FNDC3A: variants seen among roughly 807,000 people sequenced by gnomAD.
FNDC3A encodes fibronectin type III domain containing 3A, also known as fibronectin type-III domain-containing protein 3A.
FNDC3A carries 32 observed loss-of-function variants against 148.9 expected under a neutral mutation model. The observed-to-expected ratio is 0.21, with a 90% CI of 0.16 to 0.29. FNDC3A has a LOEUF of 0.29. Among genes scored for constraint, FNDC3A ranks in the 10% least tolerant of loss-of-function variants. The pLI, the probability that FNDC3A is intolerant of heterozygous loss-of-function variation, is 1.00. For synonymous variants in FNDC3A, 472 were observed against 473.6 expected (o/e 1.00, Z 0.04); for missense variants, 1,191 against 1,452.8 (o/e 0.82, Z 2.93).
chr13:49,071,729 T>TG (rs1877709720), intron 2 of FNDC3A, among the ~76,000 whole-genome samples: 1 of 151,234 alleles, frequency 6.6e-6, no homozygotes, highest in East Asian at 1.9e-4. Context: ...ATTATTTGGT[T>TG]TTTTTTTTTT....
chr13:49,144,759 A>G (rs1234907448), intron 7 of FNDC3A, among the ~76,000 whole-genome samples: 1 of 152,186 alleles, frequency 6.6e-6, no homozygotes, highest in African/African-American at 2.4e-5. Flanking sequence ...AAAATCCCCA[A>G]AGATAACAAT....
At chr13:49,169,110 T>C (rs2138048213) in intron 10 of FNDC3A, among the ~76,000 whole-genome samples, 1 of 152,308 alleles carries the variant, frequency 6.6e-6, no homozygotes, top group African/African-American at 2.4e-5. Context: ...ACTATACTCA[T>C]AAATCAATAT....
At position 49,175,513 on chromosome 13, in the gene FNDC3A, A is replaced by G; in HGVS notation, c.1502A>G (p.Tyr501Cys). ...ACACCATCAGATGAAGGAATTTCTT[A>G]CATTTTAGAGATGGAGGAAGAAACT... ...SGTPSDEGIS[Y>C]ILEMEEETSG... Residue 501 changes from tyrosine (Y) to cysteine (C), a missense_variant, in exon 13 of 26, where the codon TAC (tyrosine) becomes TGC (cysteine). Physicochemically the swap from Tyr to Cys is radical, Grantham distance 194 (BLOSUM62 -2). Coordinates refer to ENST00000492622, the MANE Select transcript of FNDC3A (RefSeq NM_001079673.2). 2 of 1,609,638 alleles carry G rather than the reference A, an allele frequency of 1.2e-6. No individual in the cohort carries two copies. Among genetic ancestry groups the G allele is most frequent in the Non-Finnish European group, 1.7e-6 (2 of 1,178,152 alleles).
chr13:49,201,494 C>T (rs938610624), intron 23 of FNDC3A, among the ~76,000 whole-genome samples: 4 of 151,974 alleles, frequency 2.6e-5, no homozygotes, highest in Non-Finnish European at 4.4e-5. Flanking sequence ...ATTAACAAAA[C>T]AGTATTCAGA....
chr13:49,159,127 T>G (rs1470880333), intron 8 of FNDC3A, among the ~76,000 whole-genome samples: 1 of 152,222 alleles, frequency 6.6e-6, no homozygotes, highest in Non-Finnish European at 1.5e-5. Context: ...CCATATGAAC[T>G]TTAAAGTAGT....
chr13:48,978,852 C>T (rs1206041007), intron 1 of FNDC3A, among the ~76,000 whole-genome samples: 2 of 152,016 alleles, frequency 1.3e-5, no homozygotes, highest in East Asian at 1.9e-4. Flanking sequence ...CTTGTTAAAA[C>T]GAAATTAGTG....
Position 49,175,353 on chromosome 13 carries a change from ATT to A in FNDC3A, c.1356-12_1356-11del. 1 of 1,536,096 alleles carries A rather than the reference ATT, an allele frequency of 6.5e-7. No individual in the cohort carries two copies. The highest frequency in any genetic ancestry group is 1.4e-5 in the African/African-American group (1 of 71,594). On this transcript the variant is annotated splice_polypyrimidine_tract_variant and intron_variant, in intron 12 of 25. Coordinates refer to ENST00000492622, the MANE Select transcript of FNDC3A (RefSeq NM_001079673.2). Reference sequence around the variant, plus strand: ...TAACTTTTTCATGCCTTTTAAAACCATTTGTTTCAACAGTGGTTTTAGTGAAG... The same window carrying A: ...TAACTTTTTCATGCCTTTTAAAACCATGTTTCAACAGTGGTTTTAGTGAAG...
At position 49,161,160 on chromosome 13, in the gene FNDC3A, A is replaced by C. The variant is rs543587760; in HGVS notation, c.978-6084A>C. Among the ~76,000 whole-genome samples the C allele has an allele frequency of 1.4e-3, 209 of 152,294 alleles. 1 individual carries two copies. Among genetic ancestry groups the C allele is most frequent in the Non-Finnish European group, 2.6e-3 (177 of 68,020 alleles). On this transcript the variant is annotated intron_variant, in intron 8 of 25. Coordinates refer to ENST00000492622, the MANE Select transcript of FNDC3A (RefSeq NM_001079673.2). ...TCCAGTTGGTGCAGACTTGAGTTCA[A>C]GTCCTGGGTATCCTTGTTAACTTTC...
chr13:49,059,573 A>C lies in FNDC3A; in HGVS notation c.100-15716A>C, dbSNP rs199854056. ...TGGGTTCAAGTGATTCTTCTGCCTC[A>C]GCCTCCCAAGTGGCTGGGATTACAG... On this transcript the variant is annotated intron_variant, in intron 2 of 25. Coordinates refer to ENST00000492622, the MANE Select transcript of FNDC3A (RefSeq NM_001079673.2). 1.5e-3 allele frequency among the ~76,000 whole-genome samples: 235 copies of C among 152,292 alleles called. 1 individual carries two copies. Among genetic ancestry groups the C allele is most frequent in the Admixed American group, 0.011 (169 of 15,298 alleles).
intron 1 of FNDC3A, among the ~76,000 whole-genome samples, chr13:49,005,619 T>C (rs1440154006): frequency 1.3e-5 from 2 of 152,066 alleles, no homozygotes; most frequent in African/African-American, 4.8e-5. Flanking sequence ...CTTACCCTAA[T>C]CCTGAGCAAA....
intron 14 of FNDC3A, 103 bp downstream of exon 14, chr13:49,178,757 C>A: frequency 1.6e-6 from 1 of 635,018 alleles, no homozygotes; most frequent in Non-Finnish European, 2.6e-6. Context: ...TTTTTTGAGA[C>A]GGGCTCTTAC....
intron 8 of FNDC3A, among the ~76,000 whole-genome samples, chr13:49,163,255 A>C (rs1275663802): frequency 1.3e-5 from 2 of 152,210 alleles, no homozygotes; most frequent in Admixed American, 1.3e-4. Flanking sequence ...CTACAGAGGC[A>C]GGCAGGCCTC....
chr13:49,109,935 C>A (rs1190414271), intron 3 of FNDC3A, among the ~76,000 whole-genome samples: 1 of 152,068 alleles, frequency 6.6e-6, no homozygotes, highest in South Asian at 2.1e-4. Flanking sequence ...CAGACTGAAT[C>A]TTTTAAATTA....
At chr13:49,055,338 G>GC (rs1566218086) in intron 2 of FNDC3A, among the ~76,000 whole-genome samples, 1 of 151,692 alleles carries the variant, frequency 6.6e-6, no homozygotes, top group Non-Finnish European at 1.5e-5. Context: ...AAATCCTAAG[G>GC]CCCCCCAACC....
intron 2 of FNDC3A, among the ~76,000 whole-genome samples, chr13:49,011,489 C>T (rs1258730861): frequency 6.6e-6 from 1 of 152,152 alleles, no homozygotes; most frequent in Non-Finnish European, 1.5e-5. Context: ...CCACCTCGGT[C>T]CCCCAAAGTG....
At chr13:49,067,986 A>G (rs1877378109) in intron 2 of FNDC3A, among the ~76,000 whole-genome samples, 1 of 152,134 alleles carries the variant, frequency 6.6e-6, no homozygotes, top group Non-Finnish European at 1.5e-5. Context: ...ATCATTAAAA[A>G]TGTGTTGGAA....
intron 2 of FNDC3A, among the ~76,000 whole-genome samples, chr13:49,010,152 T>C (rs1426651783): frequency 2.0e-5 from 3 of 152,174 alleles, no homozygotes; most frequent in East Asian, 1.9e-4. Flanking sequence ...CCAAACCTTT[T>C]GTTGGGGTTT....
rs546066031 is a variant in FNDC3A at position 49,187,569 on chromosome 13, C to G, written c.1825+379C>G. 367 of 1,610,960 alleles carry G rather than the reference C, an allele frequency of 2.3e-4. No individual in the cohort carries two copies. The Middle Eastern group carries it at 2.9e-3, about 13-fold the overall frequency. On this transcript the variant is annotated intron_variant, in intron 16 of 25. Coordinates refer to ENST00000492622, the MANE Select transcript of FNDC3A (RefSeq NM_001079673.2). Reference sequence around the variant, plus strand: ...AACACATCTTAGCTAGTAACGACCACTTGTTTTCCACTGAAAATGGCAAAT... The same window carrying G: ...AACACATCTTAGCTAGTAACGACCAGTTGTTTTCCACTGAAAATGGCAAAT...
At chr13:48,982,383 T>C (rs947127011) in intron 1 of FNDC3A, among the ~76,000 whole-genome samples, 3 of 152,162 alleles carry the variant, frequency 2.0e-5, no homozygotes, top group Non-Finnish European at 4.4e-5. Context: ...CTTCATAGTT[T>C]ATGAAGTACC....
Sources: allele counts gnomAD v4.1 joint callset (sites outside exome capture counted in the v4.1 genomes callset), GRCh38; gene constraint gnomAD v4.1.1; transcripts MANE v1.5; gene names NCBI Gene and HGNC (gene_info 2026-07-23, HGNC 2026-07-21).